The following TOGARAM2 variants were observed in gnomAD, a reference collection of about 807,000 sequenced individuals.
TOGARAM2 encodes TOG array regulator of axonemal microtubules protein 2.
Under a neutral mutation model 93.3 loss-of-function variants are expected in TOGARAM2, and 85 were observed. The observed-to-expected ratio is 0.91, with a 90% CI of 0.76 to 1.09. The LOEUF (loss-of-function observed/expected upper bound fraction) is 1.09, where lower values mean the gene tolerates loss of function less well. TOGARAM2 is among the 50% of genes least tolerant of loss of function. The pLI is 0.00. For synonymous variants in TOGARAM2, 593 were observed against 552.8 expected (o/e 1.07, Z -1.02); for missense variants, 1,277 against 1,334.5 (o/e 0.96, Z 0.67).
intron 10 of TOGARAM2, among the ~76,000 whole-genome samples, chr2:29,019,359 G>A (rs1362769313): frequency 1.3e-5 from 2 of 151,960 alleles, no homozygotes; most frequent in Non-Finnish European, 2.9e-5. Flanking sequence ...TAGTAGAGAT[G>A]GGGTTTCACC....
rs546172720 is a variant in TOGARAM2, at chr2:29,029,741, A to G, written c.2012+2730A>G. On this transcript the variant is annotated intron_variant, in intron 14 of 19. Coordinates refer to ENST00000379558, the MANE Select transcript of TOGARAM2 (RefSeq NM_199280.4). Reference sequence around the variant, plus strand: ...ACTGCACTCCAGCCTGGGCGACAGAACAAGGCTCTGTCTAAAAAAAAAAAA... The same window carrying G: ...ACTGCACTCCAGCCTGGGCGACAGAGCAAGGCTCTGTCTAAAAAAAAAAAA... Among the ~76,000 whole-genome samples the G allele has an allele frequency of 2.6e-4, 36 of 136,040 alleles. 1 individual carries two copies. The highest frequency in any genetic ancestry group is 2.2e-3 in the East Asian group (11 of 4,986). 89.2% of individuals were successfully genotyped at this position (136,040 alleles called of 152,430 possible).
intron 18 of TOGARAM2, among the ~76,000 whole-genome samples, chr2:29,041,858 T>A (rs1400706793): frequency 6.6e-6 from 1 of 152,242 alleles, no homozygotes; most frequent in African/African-American, 2.4e-5. Flanking sequence ...ACCATTGTGG[T>A]TGCTGGGCTC....
intron 7 of TOGARAM2, among the ~76,000 whole-genome samples, chr2:29,012,891 C>G (rs1664337523): frequency 6.6e-6 from 1 of 152,230 alleles, no homozygotes; most frequent in African/African-American, 2.4e-5. Context: ...CCTCTTACCT[C>G]TGGGCAGATG....
At chr2:29,041,025 C>CTT (rs59787454) in intron 18 of TOGARAM2, among the ~76,000 whole-genome samples, 11,488 of 137,046 alleles carry the variant, frequency 0.084, 558 homozygotes, top group East Asian at 0.13. Context: ...TCTTGAGTCA[C>CTT]TTTTTTTTTT....
intron 16 of TOGARAM2, 27 bp from the exon 17 acceptor site, chr2:29,035,437 G>T (rs1333199461): frequency 1.5e-6 from 2 of 1,330,156 alleles, no homozygotes; most frequent in Admixed American, 3.3e-5. Flanking sequence ...TTCCCTGGGG[G>T]GTTCAGACGC....
Position 29,024,232 on chromosome 2 carries a change from G to A in TOGARAM2, c.1711G>A (p.Glu571Lys), listed in dbSNP as rs374395431. ...GAAGAAGAATATGGACCAGGAGGCC[G>A]AGGAGATCGCCCGCTGCTTGCTGCA... is the stretch of plus-strand genomic sequence containing the variant. ...ALKKNMDQEA[E>K]EIARCLLQKM... The change falls in exon 13 of 20, where the codon GAG (glutamate) becomes AAG (lysine). Residue 571 changes from glutamate to lysine, a missense_variant. Physicochemically the swap from Glu to Lys is moderately conservative, Grantham distance 56. Transcript: ENST00000379558. The A allele has an allele frequency of 9.9e-6, 16 of 1,610,372 alleles. No individual in the cohort carries two copies. Among genetic ancestry groups the A allele is most frequent in the Admixed American group, 8.4e-5 (5 of 59,590 alleles).
intron 10 of TOGARAM2, among the ~76,000 whole-genome samples, chr2:29,020,606 G>C (rs1664877757): frequency 6.6e-6 from 1 of 152,216 alleles, no homozygotes; most frequent in Non-Finnish European, 1.5e-5. Flanking sequence ...AGTGCCTTTT[G>C]TGGGTTTGTT....
upstream of TOGARAM2, among the ~76,000 whole-genome samples, chr2:28,977,050 T>A (rs1330369371): frequency 6.6e-6 from 1 of 152,174 alleles, no homozygotes; most frequent in Non-Finnish European, 1.5e-5. Flanking sequence ...ATGGGGGGCT[T>A]CCAGCCTTTC....
intron 18 of TOGARAM2, among the ~76,000 whole-genome samples, chr2:29,040,286 C>T (rs958652125): frequency 6.6e-6 from 1 of 152,002 alleles, no homozygotes; most frequent in Non-Finnish European, 1.5e-5. Context: ...ATTAGAAAAC[C>T]GAAAGTTCAC....
At chr2:28,960,083 CT>C (rs1304652327) in intron 1 of TOGARAM2, among the ~76,000 whole-genome samples, 3 of 152,142 alleles carry the variant, frequency 2.0e-5, no homozygotes, top group Non-Finnish European at 2.9e-5. Flanking sequence ...GTATTATAAT[CT>C]TATGGGACCA....
intron 10 of TOGARAM2, among the ~76,000 whole-genome samples, chr2:29,020,454 C>T (rs1664867541): frequency 6.6e-6 from 1 of 152,196 alleles, no homozygotes; most frequent in Non-Finnish European, 1.5e-5. Context: ...ATCTGTTCAA[C>T]TTCTTCTGTT....
chr2:28,999,702 G>A (rs539734244), intron 4 of TOGARAM2, among the ~76,000 whole-genome samples: 143 of 152,268 alleles, frequency 9.4e-4, no homozygotes, highest in African/African-American at 3.2e-3. Context: ...CCACCCTTGC[G>A]CCTTCTAGTC....
chr2:29,001,990 G>A (rs1045460257), intron 4 of TOGARAM2, among the ~76,000 whole-genome samples: 7 of 152,136 alleles, frequency 4.6e-5, no homozygotes, highest in South Asian at 2.1e-4. Context: ...GGCACAGGGC[G>A]CTGAAGATGT....
At chr2:29,036,895 C>A (rs1176198931) in intron 18 of TOGARAM2, 138 bp downstream of exon 18, 9 of 813,804 alleles carry the variant, frequency 1.1e-5, no homozygotes, top group South Asian at 1.0e-4. Context: ...AGAGGTGGAG[C>A]CCAGGGCCTC....
chr2:28,973,099 C>T (rs1671972011), intron 1 of TOGARAM2, among the ~76,000 whole-genome samples: 1 of 152,212 alleles, frequency 6.6e-6, no homozygotes, highest in Non-Finnish European at 1.5e-5. Flanking sequence ...TGCACCTTCA[C>T]ATCCTCTTTC....
intron 1 of TOGARAM2, among the ~76,000 whole-genome samples, chr2:28,994,338 A>G (rs1304532434): frequency 6.6e-6 from 1 of 152,202 alleles, no homozygotes; most frequent in Non-Finnish European, 1.5e-5. Flanking sequence ...GCAGAGGCCA[A>G]CATCGCCATG....
At chr2:28,981,869 T>C (rs1672210666) in intron 1 of TOGARAM2, among the ~76,000 whole-genome samples, 1 of 152,124 alleles carries the variant, frequency 6.6e-6, no homozygotes, top group South Asian at 2.1e-4. Flanking sequence ...TACCTCAGGG[T>C]GAACCCTTCA....
At position 29,005,537 on chromosome 2, in the gene TOGARAM2, GGT is replaced by G. The variant is rs373466824; in HGVS notation, c.830+1862_830+1863del. On this transcript the variant is annotated intron_variant, in intron 6 of 19. Coordinates refer to ENST00000379558, the MANE Select transcript of TOGARAM2 (RefSeq NM_199280.4). ...TAACTACGTGTGTGAAGCCATGTGT[GGT>G]GTGTGTTCATGTGTGTGGAGTGTGT... Among the ~76,000 whole-genome samples, 43 of 144,232 alleles carry G rather than the reference GGT, an allele frequency of 3.0e-4. 2 individuals are homozygous for G. Among genetic ancestry groups the G allele is most frequent in the East Asian group, 6.4e-4 (3 of 4,682 alleles). 94.6% of individuals were successfully genotyped at this position (144,232 alleles called of 152,430 possible).
intron 10 of TOGARAM2, chr2:29,018,195 A>G: frequency 1.9e-6 from 1 of 516,636 alleles, no homozygotes. Flanking sequence ...TGATGTCCTC[A>G]GCCTGTGTGA....
Sources: allele counts gnomAD v4.1 joint callset (sites outside exome capture counted in the v4.1 genomes callset), GRCh38; gene constraint gnomAD v4.1.1; transcripts MANE v1.5; gene names NCBI Gene and HGNC (gene_info 2026-07-23, HGNC 2026-07-21).